The following OSBPL8 variants were observed in gnomAD, a reference collection of about 807,000 sequenced individuals.
The protein encoded by OSBPL8 is oxysterol binding protein like 8.
OSBPL8 carries 59 observed loss-of-function variants against 125.5 expected under a neutral mutation model. That is an observed-to-expected ratio of 0.47 (90% CI 0.38 to 0.58). OSBPL8 has a LOEUF of 0.58. Ranked by LOEUF, OSBPL8 falls within the 20% of genes least tolerant of loss-of-function variation. The pLI is 0.00. For missense variants in OSBPL8, 758 were observed against 1,047.8 expected (o/e 0.72, Z 3.82); for synonymous variants, 330 against 338.9 (o/e 0.97, Z 0.29).
chr12:76,367,229 G>GGTGTGTGTGTGTGT (rs71311108), intron 21 of OSBPL8, among the ~76,000 whole-genome samples: 2 of 147,168 alleles, frequency 1.4e-5, no homozygotes, highest in Non-Finnish European at 3.0e-5. Flanking sequence ...TTTGTTGATT[G>GGTGTGTGTGTGTGT]GTGTGTGTGT....
chr12:76,361,131 C>T (rs1252262718), intron 21 of OSBPL8, among the ~76,000 whole-genome samples: 2 of 152,172 alleles, frequency 1.3e-5, no homozygotes, highest in African/African-American at 2.4e-5. Context: ...TTCTGTTTCC[C>T]TTTTAAAACA....
At chr12:76,461,913 G>T (rs557485431) in intron 2 of OSBPL8, among the ~76,000 whole-genome samples, 38 of 152,314 alleles carry the variant, frequency 2.5e-4, no homozygotes, top group Middle Eastern at 6.8e-3. Context: ...ATAGTTTGTT[G>T]TGTACCAATA....
intron 2 of OSBPL8, among the ~76,000 whole-genome samples, chr12:76,471,516 T>C (rs1193848863): frequency 1.3e-5 from 2 of 152,136 alleles, no homozygotes. Context: ...ACCCTTTATT[T>C]CTCATATCCA....
At chr12:76,519,729 A>G (rs1445581932) in intron 1 of OSBPL8, among the ~76,000 whole-genome samples, 3 of 152,140 alleles carry the variant, frequency 2.0e-5, no homozygotes, top group African/African-American at 7.2e-5. Flanking sequence ...GGGAAGGTGA[A>G]GGGGAGCAGC....
chr12:76,463,157 G>A (rs530524117), intron 2 of OSBPL8, among the ~76,000 whole-genome samples: 1 of 152,176 alleles, frequency 6.6e-6, no homozygotes, highest in Non-Finnish European at 1.5e-5. Context: ...CTATAATCTA[G>A]GAGAGGGGGA....
chr12:76,448,312 G>A (rs1232828182), intron 4 of OSBPL8, among the ~76,000 whole-genome samples: 2 of 151,984 alleles, frequency 1.3e-5, no homozygotes, highest in African/African-American at 2.4e-5. Context: ...ATATAAACAA[G>A]TGTAGTTTTA....
intron 5 of OSBPL8, among the ~76,000 whole-genome samples, chr12:76,403,664 T>C (rs1192621812): frequency 1.3e-5 from 2 of 152,154 alleles, no homozygotes; most frequent in African/African-American, 4.8e-5. Flanking sequence ...TTGTTAGACA[T>C]AAGAAAAGGC....
chr12:76,473,640 A>G (rs948281019), intron 2 of OSBPL8, among the ~76,000 whole-genome samples: 7 of 152,138 alleles, frequency 4.6e-5, no homozygotes, highest in African/African-American at 1.7e-4. Context: ...ATACTCCACA[A>G]TTTTGCCATG....
chr12:76,461,601 G>A (rs972781708), intron 2 of OSBPL8, among the ~76,000 whole-genome samples: 1 of 151,930 alleles, frequency 6.6e-6, no homozygotes, highest in Non-Finnish European at 1.5e-5. Context: ...CAGGCACCCA[G>A]CTAATTTTTG....
chr12:76,382,234 T>G (rs1025352915), intron 15 of OSBPL8, among the ~76,000 whole-genome samples: 2 of 152,246 alleles, frequency 1.3e-5, no homozygotes, highest in South Asian at 2.1e-4. Context: ...TGTTCCTTGA[T>G]TGGGCTTTCC....
intron 12 of OSBPL8, among the ~76,000 whole-genome samples, chr12:76,388,695 C>T (rs1301762290): frequency 6.6e-6 from 1 of 152,176 alleles, no homozygotes; most frequent in Admixed American, 6.6e-5. Flanking sequence ...CATTTTCCAA[C>T]TGCCCAGTAA....
intron 1 of OSBPL8, among the ~76,000 whole-genome samples, chr12:76,506,745 C>G (rs550158358): frequency 6.6e-6 from 1 of 152,190 alleles, no homozygotes; most frequent in African/African-American, 2.4e-5. Flanking sequence ...ACAAAAAATC[C>G]TGGAAGGGGA....
chr12:76,534,576 A>T (rs1327182843), intron 1 of OSBPL8, among the ~76,000 whole-genome samples: 2 of 152,212 alleles, frequency 1.3e-5, no homozygotes, highest in East Asian at 3.8e-4. Flanking sequence ...GCATTGGAAA[A>T]TAACAAGCAG....
At chr12:76,384,203 A>G (rs1472055393) in intron 15 of OSBPL8, 51 bp downstream of exon 15, 3 of 1,113,242 alleles carry the variant, frequency 2.7e-6, no homozygotes, top group Non-Finnish European at 3.8e-6. Flanking sequence ...AAAGCTCACC[A>G]GAAAATAATA....
intron 1 of OSBPL8, among the ~76,000 whole-genome samples, chr12:76,508,217 C>T (rs1257234541): frequency 1.3e-5 from 2 of 151,894 alleles, no homozygotes; most frequent in Non-Finnish European, 2.9e-5. Flanking sequence ...ACTATATTCA[C>T]ATCACTTACC....
chr12:76,464,382 AT>A (rs1257160612), intron 2 of OSBPL8, among the ~76,000 whole-genome samples: 1 of 152,236 alleles, frequency 6.6e-6, no homozygotes, highest in Non-Finnish European at 1.5e-5. Flanking sequence ...TAATTTTGTT[AT>A]AAGTACATCG....
intron 1 of OSBPL8, among the ~76,000 whole-genome samples, chr12:76,508,321 T>C (rs1880628347): frequency 6.6e-6 from 1 of 152,330 alleles, no homozygotes; most frequent in South Asian, 2.1e-4. Context: ...TACACTATAG[T>C]AGTCATCAGC....
At chr12:76,384,176 A>C (rs561886669) in intron 15 of OSBPL8, 78 bp downstream of exon 15, 159 of 757,838 alleles carry the variant, frequency 2.1e-4, no homozygotes, top group Admixed American at 5.1e-4. Context: ...AAAATAGCCC[A>C]TGACACTGCC....
intron 4 of OSBPL8, among the ~76,000 whole-genome samples, chr12:76,447,020 A>T (rs1872789217): frequency 6.6e-6 from 1 of 152,222 alleles, no homozygotes; most frequent in Admixed American, 6.5e-5. Context: ...TTTACCAAGT[A>T]ACCCTAAGTG....
Sources: gnomAD v4.1 joint callset for allele counts (sites outside exome capture counted in the v4.1 genomes callset) on GRCh38, gnomAD v4.1.1 for gene constraint, MANE v1.5 for transcripts, NCBI Gene and HGNC (gene_info 2026-07-23, HGNC 2026-07-21) for gene names.